The following ACAA1 variants were observed in gnomAD, a reference collection of about 807,000 sequenced individuals.
The protein encoded by ACAA1 is 3-ketoacyl-CoA thiolase, peroxisomal.
In ACAA1, 44 loss-of-function variants were observed where a neutral mutation model predicts 48.8. The observed-to-expected ratio is 0.90, with a 90% CI of 0.71 to 1.16. The LOEUF (loss-of-function observed/expected upper bound fraction) is 1.16, where lower values mean the gene tolerates loss of function less well. Ranked by LOEUF, ACAA1 falls within the 50% of genes most tolerant of loss-of-function variation. ACAA1 has a pLI of 0.00. For synonymous variants in ACAA1, 233 were observed against 226.5 expected, an observed-to-expected ratio of 1.03 and a Z score of -0.26; for missense variants, 512 against 562.3, an observed-to-expected ratio of 0.91 and a Z score of 0.90.
chr3:38,126,123 C>T lies in ACAA1; in HGVS notation c.997+39G>A, dbSNP rs758302366. 2.0e-5 allele frequency: 32 copies of T among 1,597,762 alleles called. No homozygotes were observed. The South Asian group carries it at 3.6e-4, about 18-fold the overall frequency. ...CAGCATGCAGGGCAGCTGCAGGATC[C>T]AGGTGGGACCCAGATACTATATGAA... On this transcript the variant is annotated intron_variant, in intron 9 of 11. Coordinates refer to ENST00000333167, the MANE Select transcript of ACAA1 (RefSeq NM_001607.4). The surrounding 1 kb of genome is among the most constrained non-coding windows in gnomAD (Gnocchi z 4.7).
At position 38,126,628 on chromosome 3, in the gene ACAA1, G is replaced by A. The variant is rs778020956; in HGVS notation, c.699C>T (p.Asp233=). ...IVPVTTTVHD[D]KGTKRSITVT... ...CAGTGATGCTCCTCTTGGTGCCCTTGTCATCATGGACCGTGGTGGTCACAG... is the reference window on the plus strand; with the variant it reads ...CAGTGATGCTCCTCTTGGTGCCCTTATCATCATGGACCGTGGTGGTCACAG... Residue 233 remains aspartate, a synonymous_variant, in exon 8 of 12, where the codon GAC becomes GAT. Transcript: ENST00000333167. The surrounding 1 kb of genome is among the most constrained non-coding windows in gnomAD (Gnocchi z 4.7). 4 of 1,614,046 alleles carry A rather than the reference G, an allele frequency of 2.5e-6. No individual in the cohort carries two copies. In the African/African-American group the frequency reaches 4.0e-5, roughly 16 times the overall value.
In ACAA1 at chr3:38,136,686, C is replaced by A; in HGVS notation, c.172-1G>T. 6.2e-7 allele frequency: 1 copy of A among 1,608,740 alleles called. No individual in the cohort carries two copies. The highest frequency in any genetic ancestry group is 1.1e-5 in the South Asian group (1 of 90,664). The stretch of plus-strand genomic sequence containing the variant: ...AGAGAAGCTCGTCGGGGGTGGTGTC[C>A]TGCAGCAGAAAGAGCAGCCGCAGTG... On this transcript the variant is annotated splice_acceptor_variant, in intron 1 of 11. Coordinates refer to ENST00000333167, the MANE Select transcript of ACAA1 (RefSeq NM_001607.4). LOFTEE classifies it high-confidence loss of function.
chr3:38,126,917 G>A lies in ACAA1; in HGVS notation c.627-217C>T, dbSNP rs151269509. Among the ~76,000 whole-genome samples the A allele has an allele frequency of 0.011, 1,647 of 152,286 alleles. 17 individuals carry two copies. The highest frequency in any genetic ancestry group is 0.017 in the Non-Finnish European group (1,133 of 68,022). On this transcript the variant is annotated intron_variant, in intron 7 of 11. Transcript: ENST00000333167. This position sits in a 1 kb window ranked among gnomAD's most constrained non-coding sequence, Gnocchi z 4.7. ...ATCGTGGCCAATCCCAACCTCAAAG[G>A]GGGGAAAGGGTGTTTGGAAGTGGTG...
At chr3:38,136,567 C>A (rs763966209) in intron 2 of ACAA1, 25 bp downstream of exon 2, 98 of 1,613,170 alleles carry the variant, frequency 6.1e-5, no homozygotes, top group Non-Finnish European at 8.3e-5. Flanking sequence ...GAAGGCCCAG[C>A]GCAGGGCCTG....
intron 1 of ACAA1, 53 bp downstream of exon 1, chr3:38,136,812 C>A: frequency 6.7e-7 from 1 of 1,486,528 alleles, no homozygotes; most frequent in Non-Finnish European, 8.9e-7. Context: ...GAACCGGACC[C>A]CAGCCCGCGC....
In ACAA1 at chr3:38,129,510, G is replaced by A; in HGVS notation, c.447-122C>T. On this transcript the variant is annotated intron_variant, in intron 5 of 11. Coordinates refer to ENST00000333167, the MANE Select transcript of ACAA1 (RefSeq NM_001607.4). This position sits in a 1 kb window ranked among gnomAD's most constrained non-coding sequence, Gnocchi z 5.3. The stretch of plus-strand genomic sequence containing the variant: ...CCAGGGAGCCCTAGGAAGACCAGTG[G>A]GCCTCTGGGAGTCACAGGCAGGGCA... The A allele has an allele frequency of 1.3e-6, 1 of 744,730 alleles. No homozygotes were observed. The highest frequency in any genetic ancestry group is 1.8e-5 in the South Asian group (1 of 56,558). 46.1% of individuals were successfully genotyped at this position (744,730 alleles called of 1,614,324 possible).
At position 38,127,535 on chromosome 3, in the gene ACAA1, AAC is replaced by A. The variant is rs1241700423; in HGVS notation, c.626+249_626+250del. The A allele has an allele frequency of 4.3e-5, 23 of 539,516 alleles. No homozygotes were observed. The East Asian group carries it at 6.8e-4, about 16-fold the overall frequency. The allele number at this position is 539,516 out of a possible 1,614,324, so 33.4% of individuals were successfully genotyped here. Reference sequence around the variant, plus strand: ...AGTCCCCAAACCGCAGCCAGAAAATAACAGAGGGGGAAACTGAGGCCTAGCTA... The same window carrying A: ...AGTCCCCAAACCGCAGCCAGAAAATAAGAGGGGGAAACTGAGGCCTAGCTA... On this transcript the variant is annotated intron_variant, in intron 7 of 11. Coordinates refer to ENST00000333167, the MANE Select transcript of ACAA1 (RefSeq NM_001607.4).
intron 11 of ACAA1, 48 bp from the exon 12 acceptor site, chr3:38,123,170 A>C (rs751736868): frequency 6.5e-5 from 103 of 1,572,660 alleles, no homozygotes; most frequent in Non-Finnish European, 8.8e-5. Context: ...CCACCAAATT[A>C]CCTCCAGACC....
Position 38,125,653 on chromosome 3 carries a change from CCCCCAGGGGGTT to C in ACAA1, c.1099_1110del (p.Asn367_Gly370del). 1 of 1,597,746 alleles carries C rather than the reference CCCCCAGGGGGTT, an allele frequency of 6.3e-7. No homozygotes were observed. The highest frequency in any genetic ancestry group is 8.5e-7 in the Non-Finnish European group (1 of 1,170,866). On this transcript the variant is annotated inframe_deletion, in exon 11 of 12. Coordinates refer to ENST00000333167, the MANE Select transcript of ACAA1 (RefSeq NM_001607.4). Reference sequence around the variant, plus strand: ...AGTGGGTGCCCTAAGGCCACTGCACCCCCCAGGGGGTTCACCTTCTCAGGGGGGAGTCGTAGC... The same window carrying C: ...AGTGGGTGCCCTAAGGCCACTGCACCCACCTTCTCAGGGGGGAGTCGTAGC...
At position 38,127,817 on chromosome 3, in the gene ACAA1, G is replaced by A; in HGVS notation, c.595C>T (p.Gln199Ter). Residue 199 changes from glutamine (Q) to a stop codon, truncating the protein, a stop_gained, in exon 7 of 12, where the codon CAG becomes TAG. Coordinates refer to ENST00000333167, the MANE Select transcript of ACAA1 (RefSeq NM_001607.4). LOFTEE classifies it high-confidence loss of function. ...TGGGAAGCCAGGGCAAAGGTATCCTGCTTCTCCCGTGAAATGCCAAACCGC... is the reference window on the plus strand; with the variant it reads ...TGGGAAGCCAGGGCAAAGGTATCCTACTTCTCCCGTGAAATGCCAAACCGC... Reference protein sequence around the residue: ...AERFGISREKQDTFALASQQK... With the variant: ...AERFGISREK 1 of 1,614,184 alleles carries A rather than the reference G, an allele frequency of 6.2e-7. No individual in the cohort carries two copies. The highest frequency in any genetic ancestry group is 8.5e-7 in the Non-Finnish European group (1 of 1,180,046).
chr3:38,133,870 A>T (rs1700836127), intron 3 of ACAA1, 82 bp downstream of exon 3: 2 of 1,464,230 alleles, frequency 1.4e-6, no homozygotes, highest in Non-Finnish European at 1.9e-6. Flanking sequence ...ATCCTCCCCA[A>T]CCTGCACACT....
chr3:38,136,539 G>A (rs1700896983), intron 2 of ACAA1, 53 bp downstream of exon 2: 2 of 1,603,578 alleles, frequency 1.2e-6, no homozygotes, highest in African/African-American at 2.7e-5. Context: ...GAGAGCTCTG[G>A]ACGAACGGAA....
intron 2 of ACAA1, among the ~76,000 whole-genome samples, chr3:38,135,531 A>T (rs546932374): frequency 6.6e-6 from 1 of 152,284 alleles, no homozygotes; most frequent in African/African-American, 2.4e-5. Context: ...CAGTGTCATA[A>T]GTAAGTTTAA....
In ACAA1 at chr3:38,126,404, C is replaced by T. The variant is rs1700683395; in HGVS notation, c.818-63G>A. On this transcript the variant is annotated intron_variant, in intron 8 of 11. Transcript: ENST00000333167. The surrounding 1 kb of genome is among the most constrained non-coding windows in gnomAD (Gnocchi z 4.7). ...GGGGATGAGGAGATCCCAGCCCTCC[C>T]ACTTCTACTTTGCAGAGGGGCCTGG... The T allele has an allele frequency of 1.2e-6, 2 of 1,604,888 alleles. No individual in the cohort carries two copies.
chr3:38,122,771 C>A lies in ACAA1; in HGVS notation c.*276G>T. 1.7e-6 allele frequency: 2 copies of A among 1,199,728 alleles called. No homozygotes were observed. The highest frequency in any genetic ancestry group is 2.2e-6 in the Non-Finnish European group (2 of 893,400). The allele number at this position is 1,199,728 out of a possible 1,614,324, so 74.3% of individuals were successfully genotyped here. A position where few individuals can be genotyped will look rare whatever the true frequency, so the allele number is the denominator to read the frequency against. On this transcript the variant is annotated 3_prime_UTR_variant, in exon 12 of 12. Transcript: ENST00000333167. The stretch of plus-strand genomic sequence containing the variant: ...ACTTCTCATCCATGGATTTGCCTTG[C>A]CTTAAGAATTAACCATGGCCTTGTG...
rs552193670 is a variant in ACAA1, at chr3:38,129,698, G to C, written c.447-310C>G. The stretch of plus-strand genomic sequence containing the variant: ...CAATTCCAGAGAAAAGCCTTCTGCT[G>C]TCAGCCACAGAGGAGGAAACACATC... On this transcript the variant is annotated intron_variant, in intron 5 of 11. Transcript: ENST00000333167. This position sits in a 1 kb window ranked among gnomAD's most constrained non-coding sequence, Gnocchi z 5.3. 7.5e-4 allele frequency among the ~76,000 whole-genome samples: 114 copies of C among 152,366 alleles called. No homozygotes were observed. Among genetic ancestry groups the C allele is most frequent in the African/African-American group, 2.5e-3 (106 of 41,594 alleles).
chr3:38,131,909 A>G lies in ACAA1; in HGVS notation c.403+17T>C. On this transcript the variant is annotated intron_variant, in intron 4 of 11. Coordinates refer to ENST00000333167, the MANE Select transcript of ACAA1 (RefSeq NM_001607.4). ...CCACAGGTCCAGGACCAAGGCACCC[A>G]CCCAGTCATAACTTACCTGCTATGC... The G allele has an allele frequency of 3.1e-6, 5 of 1,609,856 alleles. No individual in the cohort carries two copies. Among genetic ancestry groups the G allele is most frequent in the Non-Finnish European group, 4.3e-6 (5 of 1,176,344 alleles).
chr3:38,134,645 A>G (rs542729145), intron 2 of ACAA1: 7 of 416,914 alleles, frequency 1.7e-5, no homozygotes, highest in African/African-American at 1.0e-4. Context: ...GCTATATTGA[A>G]TCAAGGTTTA....
intron 11 of ACAA1, 69 bp downstream of exon 11, chr3:38,125,496 T>A: frequency 6.7e-7 from 1 of 1,499,932 alleles, no homozygotes; most frequent in Admixed American, 2.3e-5. Flanking sequence ...CCTACCTCTA[T>A]CCCCTGCCCT....
Sources: gnomAD v4.1 joint callset for allele counts (sites outside exome capture counted in the v4.1 genomes callset) on GRCh38, gnomAD v4.1.1 for gene constraint, Gnocchi (gnomAD v3.1) non-coding constraint, MANE v1.5 for transcripts, NCBI Gene and HGNC (gene_info 2026-07-23, HGNC 2026-07-21) for gene names.